GLG1: variants seen among roughly 807,000 people sequenced by gnomAD.
GLG1 encodes Golgi apparatus protein 1.
In GLG1, 38 loss-of-function variants were observed where a neutral mutation model predicts 160.5. That is an observed-to-expected ratio of 0.24 (90% CI 0.18 to 0.31). The LOEUF is 0.31. Ranked by LOEUF, GLG1 falls within the 10% of genes least tolerant of loss-of-function variation. GLG1 has a pLI of 1.00. For missense variants in GLG1, 1,373 were observed against 1,505.2 expected (o/e 0.91, Z 1.45); for synonymous variants, 644 against 543.4 (o/e 1.19, Z -2.57).
chr16:74,560,310 G>A (rs554140174), intron 1 of GLG1, among the ~76,000 whole-genome samples: 8 of 150,508 alleles, frequency 5.3e-5, no homozygotes, highest in Non-Finnish European at 1.2e-4. Flanking sequence ...CTTTGAATTG[G>A]GACCTCAGTT....
In GLG1 at chr16:74,592,405, A is replaced by T. The variant is rs984863129; in HGVS notation, c.438+14252T>A. Among the ~76,000 whole-genome samples the T allele has an allele frequency of 2.6e-5, 4 of 152,254 alleles. No individual in the cohort carries two copies. The East Asian group carries it at 7.7e-4, about 29-fold the overall frequency. ...GTGATCCACCCGCCTTGGCCTCCCC[A>T]AGTGCTGAGAGCCACTGCACCCGGA... On this transcript the variant is annotated intron_variant, in intron 1 of 25. Coordinates refer to ENST00000422840, the MANE Select transcript of GLG1 (RefSeq NM_001145667.2).
intron 12 of GLG1, 137 bp downstream of exon 12, chr16:74,477,259 A>G (rs2015416162): frequency 1.4e-6 from 1 of 737,844 alleles, no homozygotes; most frequent in East Asian, 2.8e-5. Flanking sequence ...TTTCTTCCAG[A>G]GAAAATATTG....
At chr16:74,557,170 A>C (rs2018376525) in intron 1 of GLG1, among the ~76,000 whole-genome samples, 1 of 152,242 alleles carries the variant, frequency 6.6e-6, no homozygotes, top group Non-Finnish European at 1.5e-5. Context: ...AAACTAGAAG[A>C]AACCCAGGAC....
rs1477697300 is a variant in GLG1, at chr16:74,606,952, G to T, written c.143C>A (p.Ser48Tyr). The stretch of plus-strand genomic sequence containing the variant: ...GCCGCCTCCGGCCTGCCCTACGAAG[G>T]ACACAAAGTTGGCCCCGGGACCCTG... ...QGQGPGANFV[S>Y]FVGQAGGGGP... The change falls in exon 1 of 26, where the codon TCC (serine) becomes TAC (tyrosine). Residue 48 changes from serine (S) to tyrosine (Y), a missense_variant. Physicochemically the swap from Ser to Tyr is moderately radical, Grantham distance 144 (BLOSUM62 -2). Coordinates refer to ENST00000422840, the MANE Select transcript of GLG1 (RefSeq NM_001145667.2). 1.9e-6 allele frequency: 3 copies of T among 1,609,082 alleles called. No individual in the cohort carries two copies. The highest frequency in any genetic ancestry group is 3.4e-5 in the Admixed American group (2 of 59,578).
intron 19 of GLG1, among the ~76,000 whole-genome samples, chr16:74,463,726 G>GTTT (rs60022447): frequency 0.11 from 10,390 of 93,876 alleles, 552 homozygotes; most frequent in African/African-American, 0.21. Context: ...TCATTTTTGT[G>GTTT]TTTTTTTTGT....
chr16:74,470,046 A>G lies in GLG1; in HGVS notation c.2257T>C (p.Tyr753His). Residue 753 changes from tyrosine (Y) to histidine (H), a missense_variant, in exon 16 of 26, where the codon TAC becomes CAC. By Grantham distance (83) the Tyr-to-His change is moderately conservative (BLOSUM62 2). Coordinates refer to ENST00000422840, the MANE Select transcript of GLG1 (RefSeq NM_001145667.2). ...LVQMKDFRFSYKFKMACKEDV... is the reference protein window; with the variant it reads ...LVQMKDFRFSHKFKMACKEDV... Reference sequence around the variant, plus strand: ...TCCTTGCAGGCCATTTTAAACTTGTAAGAAAACCGAAAATCCTTCATCTGC... The same window carrying G: ...TCCTTGCAGGCCATTTTAAACTTGTGAGAAAACCGAAAATCCTTCATCTGC... 1 of 1,609,186 alleles carries G rather than the reference A, an allele frequency of 6.2e-7. No homozygotes were observed. The highest frequency in any genetic ancestry group is 1.1e-5 in the South Asian group (1 of 90,976).
At chr16:74,597,881 T>C (rs1035324521) in intron 1 of GLG1, among the ~76,000 whole-genome samples, 1 of 140,408 alleles carries the variant, frequency 7.1e-6, no homozygotes, top group Non-Finnish European at 1.5e-5. Flanking sequence ...CTGGACATGG[T>C]GGTGTGTACC....
chr16:74,578,031 G>C (rs559107759), intron 1 of GLG1, among the ~76,000 whole-genome samples: 1 of 152,076 alleles, frequency 6.6e-6, no homozygotes, highest in African/African-American at 2.4e-5. Context: ...CATTCTAACA[G>C]CAATCATTTG....
At chr16:74,505,818 G>A (rs1052812960) in intron 3 of GLG1, among the ~76,000 whole-genome samples, 7 of 152,130 alleles carry the variant, frequency 4.6e-5, no homozygotes, top group Non-Finnish European at 1.0e-4. Context: ...TTGAGCCATT[G>A]CATTCCACCC....
chr16:74,521,404 G>A (rs142375177), intron 2 of GLG1, among the ~76,000 whole-genome samples: 81 of 152,256 alleles, frequency 5.3e-4, no homozygotes, highest in African/African-American at 1.9e-3. Context: ...CAGAAGTCCC[G>A]GAGAGACATG....
intron 1 of GLG1, among the ~76,000 whole-genome samples, chr16:74,597,125 A>G (rs1282913637): frequency 1.3e-5 from 2 of 151,470 alleles, no homozygotes; most frequent in Non-Finnish European, 2.9e-5. Flanking sequence ...TCTCAAACAA[A>G]CAAAAAAAAA....
chr16:74,571,060 C>T (rs1263257636), intron 1 of GLG1, among the ~76,000 whole-genome samples: 2 of 151,884 alleles, frequency 1.3e-5, no homozygotes, highest in African/African-American at 4.8e-5. Flanking sequence ...AATGTGACAT[C>T]AGAGGACTGA....
intron 11 of GLG1, among the ~76,000 whole-genome samples, chr16:74,477,977 A>AAAACAAACAAACAAATAAAT (rs55773213): frequency 4.5e-4 from 63 of 140,148 alleles, no homozygotes; most frequent in Non-Finnish European, 6.7e-4. Flanking sequence ...CCGTCTCAAA[A>AAAACAAACAAACAAATAAAT]AAATAAATAA....
chr16:74,550,228 C>T (rs890517758), intron 1 of GLG1, among the ~76,000 whole-genome samples: 19 of 152,186 alleles, frequency 1.2e-4, no homozygotes, highest in African/African-American at 4.3e-4. Context: ...CATTCAAAAG[C>T]TTCTTCCTGA....
At chr16:74,535,874 T>C (rs1245321917) in intron 1 of GLG1, among the ~76,000 whole-genome samples, 4 of 152,070 alleles carry the variant, frequency 2.6e-5, no homozygotes, top group Non-Finnish European at 4.4e-5. Context: ...ATTGTGACAA[T>C]TAATTTCAGA....
intron 1 of GLG1, among the ~76,000 whole-genome samples, chr16:74,571,939 T>C (rs1387302539): frequency 6.6e-6 from 1 of 152,270 alleles, no homozygotes; most frequent in African/African-American, 2.4e-5. Flanking sequence ...TTGGTCTCTG[T>C]GCCTGTTTCC....
At chr16:74,497,434 CTTT>C (rs773526380) in intron 4 of GLG1, among the ~76,000 whole-genome samples, 4 of 117,142 alleles carry the variant, frequency 3.4e-5, no homozygotes, top group Non-Finnish European at 5.3e-5. Flanking sequence ...ACAGTGCTTG[CTTT>C]TTTTTTTTTT....
intron 1 of GLG1, among the ~76,000 whole-genome samples, chr16:74,577,952 T>C (rs997663948): frequency 1.3e-5 from 2 of 151,844 alleles, no homozygotes; most frequent in Admixed American, 6.6e-5. Context: ...GTAGGAGGAT[T>C]ACTTGAGGCC....
intron 1 of GLG1, among the ~76,000 whole-genome samples, chr16:74,587,323 AG>A (rs1261025136): frequency 1.3e-5 from 2 of 152,306 alleles, no homozygotes; most frequent in South Asian, 4.1e-4. Flanking sequence ...TGCTGAAAAG[AG>A]GAGAGAAATT....
Sources: allele counts gnomAD v4.1 joint callset (sites outside exome capture counted in the v4.1 genomes callset), GRCh38; gene constraint gnomAD v4.1.1; transcripts MANE v1.5; gene names NCBI Gene and HGNC (gene_info 2026-07-23, HGNC 2026-07-21).